Variants in CD81 observed in about 807,000 individuals in gnomAD.
The protein encoded by CD81 is CD81 antigen.
In CD81, 10 loss-of-function variants were observed where a neutral mutation model predicts 30.1. The observed-to-expected ratio is 0.33, with a 90% CI of 0.21 to 0.56. The LOEUF (loss-of-function observed/expected upper bound fraction) is 0.56. Ranked by LOEUF, CD81 falls within the 20% of genes least tolerant of loss-of-function variation. The probability of loss-of-function intolerance (pLI) is 0.89; values close to 1 mark genes in which losing one functional copy is unlikely to be tolerated. For synonymous variants in CD81, 147 were observed against 126.4 expected, an observed-to-expected ratio of 1.16 and a Z score of -1.10; for missense variants, 263 against 308.7, an observed-to-expected ratio of 0.85 and a Z score of 1.11.
rs12417781 is a variant in CD81 at position 2,383,446 on chromosome 11, G to T, written c.66+5831G>T. Among the ~76,000 whole-genome samples the T allele has an allele frequency of 8.2e-3, 1,250 of 152,256 alleles. 58 individuals carry two copies. The highest frequency in any genetic ancestry group is 0.074 in the Admixed American group (1,139 of 15,300). ...GGGCCGTTCACCTCCGGCCCCCAGC[G>T]TCCCTTCCTGGAAGCACCTTGGTGA... On this transcript the variant is annotated intron_variant, in intron 1 of 7. Coordinates refer to ENST00000263645, the MANE Select transcript of CD81 (RefSeq NM_004356.4).
intron 1 of CD81, among the ~76,000 whole-genome samples, chr11:2,381,222 G>A (rs1001159850): frequency 3.3e-5 from 5 of 152,210 alleles, no homozygotes; most frequent in Admixed American, 1.3e-4. Context: ...CTACAGACTG[G>A]CCCCAGTGAG....
chr11:2,383,104 A>G (rs1317370560), intron 1 of CD81, among the ~76,000 whole-genome samples: 2 of 152,198 alleles, frequency 1.3e-5, no homozygotes, highest in Non-Finnish European at 2.9e-5. Flanking sequence ...CCAGAGGGCC[A>G]GCATCCTCGC....
intron 1 of CD81, chr11:2,379,023 G>A: frequency 2.5e-6 from 1 of 399,862 alleles, no homozygotes; most frequent in Non-Finnish European, 5.2e-6. Context: ...AGTCACTGTG[G>A]CCTTCGGCAC....
chr11:2,377,661 C>T lies in CD81; in HGVS notation c.66+46C>T. On this transcript the variant is annotated intron_variant, in intron 1 of 7. Coordinates refer to ENST00000263645, the MANE Select transcript of CD81 (RefSeq NM_004356.4). The surrounding 1 kb of genome is among the most constrained non-coding windows in gnomAD (Gnocchi z 7.7). ...CGGGGCGGGAGGGGGCAGGCACACACTCCACGTTGGGCAGGTCCCGCGGCA... is the reference window on the plus strand; with the variant it reads ...CGGGGCGGGAGGGGGCAGGCACACATTCCACGTTGGGCAGGTCCCGCGGCA... 2 of 1,321,338 alleles carry T rather than the reference C, an allele frequency of 1.5e-6. No individual in the cohort carries two copies. The highest frequency in any genetic ancestry group is 2.1e-6 in the Non-Finnish European group (2 of 962,158). 81.9% of individuals were successfully genotyped at this position (1,321,338 alleles called of 1,614,324 possible).
intron 2 of CD81, chr11:2,391,859 G>C (rs1313450122): frequency 6.6e-6 from 1 of 152,154 alleles, no homozygotes; most frequent in African/African-American, 2.4e-5. Flanking sequence ...GGGTGGCAGA[G>C]CCCGGCCAGC....
At chr11:2,393,113 TCTC>T (rs1849929275) in intron 2 of CD81, 1 of 152,180 alleles carries the variant, frequency 6.6e-6, no homozygotes, top group Non-Finnish European at 1.5e-5. Flanking sequence ...CCAGGCACCT[TCTC>T]CTCTGGGCTG....
At chr11:2,394,451 G>A (rs961384321) in intron 3 of CD81, among the ~76,000 whole-genome samples, 2 of 152,246 alleles carry the variant, frequency 1.3e-5, no homozygotes, top group African/African-American at 2.4e-5. Flanking sequence ...TCAGCTCTGA[G>A]GCCAGCCTCG....
In CD81 at chr11:2,397,176, G is replaced by A. The variant is rs1454002635; in HGVS notation, c.*310G>A. Reference sequence around the variant, plus strand: ...GCCAGGCCTCTCCTGGGAGCCACTCGCCCAGAGACTCAGCTTGGCCAACTT... The same window carrying A: ...GCCAGGCCTCTCCTGGGAGCCACTCACCCAGAGACTCAGCTTGGCCAACTT... On this transcript the variant is annotated 3_prime_UTR_variant, in exon 8 of 8. Transcript: ENST00000263645. 8 of 457,390 alleles carry A rather than the reference G, an allele frequency of 1.7e-5. No homozygotes were observed. The highest frequency in any genetic ancestry group is 1.0e-4 in the African/African-American group (5 of 50,138). 28.3% of individuals were successfully genotyped at this position (457,390 alleles called of 1,614,324 possible). A position where few individuals can be genotyped will look rare whatever the true frequency, so the allele number is the denominator to read the frequency against.
chr11:2,388,167 C>T (rs1313547294), intron 1 of CD81, among the ~76,000 whole-genome samples: 1 of 152,236 alleles, frequency 6.6e-6, no homozygotes, highest in East Asian at 1.9e-4. Flanking sequence ...CTGCCTCAGC[C>T]TCCAAAGGTG....
At chr11:2,395,742 G>T in intron 5 of CD81, 127 bp from the exon 6 acceptor site, 1 of 787,908 alleles carries the variant, frequency 1.3e-6, no homozygotes, top group South Asian at 1.4e-5. Flanking sequence ...GAGGAAGAAG[G>T]CTGGCCCCTG....
At chr11:2,382,718 G>A (rs574516458) in intron 1 of CD81, among the ~76,000 whole-genome samples, 5 of 152,328 alleles carry the variant, frequency 3.3e-5, no homozygotes, top group East Asian at 3.9e-4. Flanking sequence ...TATCCGCTGC[G>A]GTGCAGAACT....
At chr11:2,386,571 C>G in intron 1 of CD81, 1 of 717,264 alleles carries the variant, frequency 1.4e-6, no homozygotes, top group Non-Finnish European at 2.6e-6. Context: ...CTCAAGGTCC[C>G]TGCTGAAGGT....
At chr11:2,383,257 G>A (rs1849732575) in intron 1 of CD81, among the ~76,000 whole-genome samples, 1 of 152,168 alleles carries the variant, frequency 6.6e-6, no homozygotes, top group South Asian at 2.1e-4. Context: ...AGGCCACAAC[G>A]GGGTCAGAGG....
At position 2,377,514 on chromosome 11, in the gene CD81, C is replaced by T; in HGVS notation, c.-36C>T. The T allele has an allele frequency of 1.6e-6, 2 of 1,222,266 alleles. No individual in the cohort carries two copies. Among genetic ancestry groups the T allele is most frequent in the East Asian group, 7.4e-5 (1 of 13,596 alleles). The allele number at this position is 1,222,266 out of a possible 1,614,324, so 75.7% of individuals were successfully genotyped here. On this transcript the variant is annotated 5_prime_UTR_variant, in exon 1 of 8. Transcript: ENST00000263645. This position sits in a 1 kb window ranked among gnomAD's most constrained non-coding sequence, Gnocchi z 7.7. Reference sequence around the variant, plus strand: ...CGGCCCGCCCGCCGCCCAGGACCGGCCCGCGCCCCGCAGGCCGCCCGCCGC... The same window carrying T: ...CGGCCCGCCCGCCGCCCAGGACCGGTCCGCGCCCCGCAGGCCGCCCGCCGC...
chr11:2,380,254 G>A (rs571537084), intron 1 of CD81, among the ~76,000 whole-genome samples: 120 of 152,252 alleles, frequency 7.9e-4, no homozygotes, highest in African/African-American at 2.8e-3. Context: ...GGGCTCTGGG[G>A]AGGCTGGTGG....
chr11:2,389,979 CCT>C (rs1849868518), intron 1 of CD81: 1 of 344,684 alleles, frequency 2.9e-6, no homozygotes. Flanking sequence ...CCTGGTATCA[CCT>C]CTGGCCAGAT....
At chr11:2,388,975 A>G (rs1027026750) in intron 1 of CD81, among the ~76,000 whole-genome samples, 3 of 152,090 alleles carry the variant, frequency 2.0e-5, no homozygotes, top group Non-Finnish European at 4.4e-5. Flanking sequence ...CTGCCAGACC[A>G]GATTTTAGGG....
intron 2 of CD81, 171 bp from the exon 3 acceptor site, chr11:2,393,924 C>T (rs1389184446): frequency 2.8e-6 from 2 of 705,404 alleles, no homozygotes; most frequent in Admixed American, 2.0e-5. Flanking sequence ...GCACAGAAAA[C>T]TCACCAGGCC....
intron 2 of CD81, 85 bp from the exon 3 acceptor site, chr11:2,394,010 T>G (rs751819789): frequency 1.0e-6 from 1 of 1,002,774 alleles, no homozygotes; most frequent in Non-Finnish European, 1.6e-6. Flanking sequence ...GGGCGGCCCG[T>G]GGTGGGTTCG....
Sources: allele counts gnomAD v4.1 joint callset (sites outside exome capture counted in the v4.1 genomes callset), GRCh38; gene constraint gnomAD v4.1.1; non-coding constraint Gnocchi (gnomAD v3.1); transcripts MANE v1.5; gene names NCBI Gene and HGNC (gene_info 2026-07-23, HGNC 2026-07-21).